Variants in CSMD1 observed in about 807,000 individuals in gnomAD.
CSMD1 encodes the protein CUB and sushi domain-containing protein 1.
In CSMD1, 213 loss-of-function variants were observed where a neutral mutation model predicts 417.5. The observed-to-expected ratio is 0.51, with a 90% CI of 0.46 to 0.57. The LOEUF is 0.57. Among genes scored for constraint, CSMD1 ranks in the 20% least tolerant of loss-of-function variants. The probability of loss-of-function intolerance (pLI) is 0.00; values close to 1 mark genes in which losing one functional copy is unlikely to be tolerated. For missense variants in CSMD1, 6,923 were observed against 4,529.7 expected (o/e 1.53, Z -15.17); for synonymous variants, 2,862 against 1,736.8 (o/e 1.65, Z -16.11).
At chr8:4,555,264 G>A (rs893314468) in intron 2 of CSMD1, among the ~76,000 whole-genome samples, 2 of 152,104 alleles carry the variant, frequency 1.3e-5, no homozygotes, top group East Asian at 1.9e-4. Flanking sequence ...ATGGCTGTTC[G>A]GTCAGGGAAG....
intron 1 of CSMD1, among the ~76,000 whole-genome samples, chr8:4,963,889 A>G (rs919803743): frequency 1.4e-4 from 21 of 152,188 alleles, no homozygotes; most frequent in African/African-American, 4.6e-4. Context: ...TCCACTTTCC[A>G]ATTCCTATCA....
At chr8:4,761,138 C>A (rs79955679) in intron 1 of CSMD1, among the ~76,000 whole-genome samples, 1 of 151,696 alleles carries the variant, frequency 6.6e-6, no homozygotes, top group Non-Finnish European at 1.5e-5. Flanking sequence ...GTCTTCTACA[C>A]GTAAAGGAAA....
At chr8:4,640,981 A>T (rs756092885) in intron 1 of CSMD1, among the ~76,000 whole-genome samples, 1 of 151,576 alleles carries the variant, frequency 6.6e-6, no homozygotes, top group Admixed American at 6.6e-5. Context: ...AAGTATATAT[A>T]TATGTATGTG....
intron 1 of CSMD1, among the ~76,000 whole-genome samples, chr8:4,838,357 C>A (rs544548900): frequency 6.6e-6 from 1 of 152,232 alleles, no homozygotes; most frequent in Admixed American, 6.5e-5. Flanking sequence ...AAAGACTATG[C>A]AATCAATTAT....
chr8:3,029,239 G>T, intron 51 of CSMD1, 80 bp downstream of exon 51: 2 of 1,173,804 alleles, frequency 1.7e-6, no homozygotes, highest in East Asian at 2.4e-5. Context: ...AGCTCCACTA[G>T]AGAAGCTCAC....
chr8:2,955,495 T>A, intron 64 of CSMD1, 94 bp downstream of exon 64: 1 of 1,232,912 alleles, frequency 8.1e-7, no homozygotes, highest in Non-Finnish European at 1.2e-6. Context: ...ATGCTCTTAC[T>A]TATGGGTCTC....
At chr8:4,421,804 C>T (rs1314149092) in intron 2 of CSMD1, among the ~76,000 whole-genome samples, 1 of 151,208 alleles carries the variant, frequency 6.6e-6, no homozygotes, top group Non-Finnish European at 1.5e-5. Flanking sequence ...CTAAAGCAAA[C>T]AGAAAGCAAA....
intron 3 of CSMD1, among the ~76,000 whole-genome samples, chr8:4,414,321 G>C (rs56181019): frequency 0.058 from 8,822 of 152,178 alleles, 341 homozygotes; most frequent in South Asian, 0.13. Flanking sequence ...ATCACTTCCT[G>C]AAACCCGAAG....
At chr8:4,122,002 C>T (rs968901393) in intron 3 of CSMD1, among the ~76,000 whole-genome samples, 4 of 151,880 alleles carry the variant, frequency 2.6e-5, no homozygotes, top group Non-Finnish European at 4.4e-5. Context: ...TATTTTTAAT[C>T]ATTAAGAATA....
Position 3,631,296 on chromosome 8 carries a change from C to G in CSMD1, c.1010-14499G>C, listed in dbSNP as rs532124785. Among the ~76,000 whole-genome samples the G allele has an allele frequency of 5.3e-5, 8 of 152,304 alleles. No homozygotes were observed. The South Asian group carries it at 1.7e-3, about 32-fold the overall frequency. ...CAACTATCATGTAGGCCCATGGTAGCAGCGGATTTTCTGTCTGGTTTATTG... is the reference window on the plus strand; with the variant it reads ...CAACTATCATGTAGGCCCATGGTAGGAGCGGATTTTCTGTCTGGTTTATTG... On this transcript the variant is annotated intron_variant, in intron 7 of 69. Coordinates refer to ENST00000635120, the MANE Select transcript of CSMD1 (RefSeq NM_033225.6).
intron 3 of CSMD1, among the ~76,000 whole-genome samples, chr8:4,384,374 G>A (rs1434729262): frequency 6.6e-6 from 1 of 152,122 alleles, no homozygotes; most frequent in East Asian, 1.9e-4. Context: ...CCATCACTAT[G>A]AAGCTACAAA....
intron 1 of CSMD1, among the ~76,000 whole-genome samples, chr8:4,914,011 T>C (rs1453320963): frequency 1.3e-5 from 2 of 152,196 alleles, no homozygotes; most frequent in Non-Finnish European, 2.9e-5. Flanking sequence ...ATATAAGGTG[T>C]GATGCTGCAG....
At chr8:4,378,341 A>C (rs929760447) in intron 3 of CSMD1, among the ~76,000 whole-genome samples, 3 of 152,254 alleles carry the variant, frequency 2.0e-5, no homozygotes, top group African/African-American at 7.2e-5. Flanking sequence ...TTTGACATTT[A>C]ATGAATGTAG....
chr8:3,586,103 T>A (rs372207553), intron 9 of CSMD1, 33 bp downstream of exon 9: 2 of 1,593,820 alleles, frequency 1.3e-6, no homozygotes, highest in East Asian at 2.2e-5. Flanking sequence ...AAGAAAGAGA[T>A]AATCCAGGCT....
chr8:4,875,490 T>G lies in CSMD1; in HGVS notation c.85+118842A>C, dbSNP rs188848110. Reference sequence around the variant, plus strand: ...ATGTTTGGATGCAAAGCGTCTCACTTGAGCAACTCCATGAGATGAAGCTTT... The same window carrying G: ...ATGTTTGGATGCAAAGCGTCTCACTGGAGCAACTCCATGAGATGAAGCTTT... On this transcript the variant is annotated intron_variant, in intron 1 of 69. Coordinates refer to ENST00000635120, the MANE Select transcript of CSMD1 (RefSeq NM_033225.6). Among the ~76,000 whole-genome samples the G allele has an allele frequency of 1.3e-3, 203 of 152,154 alleles. 1 individual carries two copies. Among genetic ancestry groups the G allele is most frequent in the Admixed American group, 7.3e-3 (112 of 15,288 alleles).
chr8:3,751,260 C>A (rs1030181542), intron 6 of CSMD1, among the ~76,000 whole-genome samples: 1 of 150,664 alleles, frequency 6.6e-6, no homozygotes, highest in East Asian at 2.0e-4. Context: ...GAATTAAATG[C>A]CAAATTTTTG....
chr8:3,124,077 GA>G (rs1185300072), intron 41 of CSMD1, among the ~76,000 whole-genome samples: 1 of 152,096 alleles, frequency 6.6e-6, no homozygotes, highest in African/African-American at 2.4e-5. Context: ...TCTAATCACT[GA>G]AAAAAATTGT....
At chr8:4,906,616 T>C (rs1032681448) in intron 1 of CSMD1, among the ~76,000 whole-genome samples, 1 of 151,826 alleles carries the variant, frequency 6.6e-6, no homozygotes, top group Non-Finnish European at 1.5e-5. Context: ...TGAAGTGCAG[T>C]GGCACAATCT....
chr8:3,830,296 G>A (rs1397221709), intron 5 of CSMD1, among the ~76,000 whole-genome samples: 2 of 152,172 alleles, frequency 1.3e-5, no homozygotes, highest in Non-Finnish European at 1.5e-5. Flanking sequence ...TCTGGCTCTG[G>A]GGCAAACTAA....
Sources: allele counts gnomAD v4.1 joint callset (sites outside exome capture counted in the v4.1 genomes callset), GRCh38; gene constraint gnomAD v4.1.1; transcripts MANE v1.5; gene names NCBI Gene and HGNC (gene_info 2026-07-23, HGNC 2026-07-21).